The following RHCE variants were observed in gnomAD, a reference collection of about 807,000 sequenced individuals.
The protein encoded by RHCE is Rh blood group CcEe antigens.
RHCE carries 22 observed loss-of-function variants against 43.8 expected under a neutral mutation model. The observed-to-expected ratio is 0.50, with a 90% CI of 0.36 to 0.72. RHCE has a LOEUF of 0.72. Ranked by LOEUF, RHCE falls within the 30% of genes least tolerant of loss-of-function variation. RHCE has a pLI of 0.00. For synonymous variants in RHCE, 156 were observed against 210.7 expected (o/e 0.74, Z 2.25); for missense variants, 385 against 525.4 (o/e 0.73, Z 2.61).
chr1:25,430,173 G>A (rs921356134), exon 1 of RHCE: 2 of 151,874 alleles, frequency 1.3e-5, no homozygotes, highest in Non-Finnish European at 2.9e-5. Context: ...GGGCCGCACC[G>A]CCGCACACGC....
Position 25,411,585 on chromosome 1 carries a change from T to G in RHCE, c.149-2716A>C, listed in dbSNP as rs775534405. On this transcript the variant is annotated intron_variant, in intron 1 of 9. Coordinates refer to ENST00000294413, the MANE Select transcript of RHCE (RefSeq NM_020485.8). ...CCACGGGACCTGGGGATTTGGGGCGTGGGTGAGAAGTGGGCATTAGGAAGG... is the reference window on the plus strand; with the variant it reads ...CCACGGGACCTGGGGATTTGGGGCGGGGGTGAGAAGTGGGCATTAGGAAGG... The G allele has an allele frequency of 7.0e-4, 621 of 886,010 alleles. 7 individuals carry two copies. The highest frequency in any genetic ancestry group is 5.7e-4 in the Admixed American group (18 of 31,668). The allele number at this position is 886,010 out of a possible 1,614,324, so 54.9% of individuals were successfully genotyped here. A position where few individuals can be genotyped will look rare whatever the true frequency, so the allele number is the denominator to read the frequency against.
intron 7 of RHCE, among the ~76,000 whole-genome samples, chr1:25,379,870 G>T (rs1463566858): frequency 2.0e-5 from 3 of 151,964 alleles, no homozygotes; most frequent in Non-Finnish European, 4.4e-5. Context: ...GTAGAGACAG[G>T]TCTCACTATG....
In RHCE at chr1:25,410,037, C is replaced by T. The variant is rs564395168; in HGVS notation, c.149-1168G>A. Among the ~76,000 whole-genome samples, 12 of 152,104 alleles carry T rather than the reference C, an allele frequency of 7.9e-5. No homozygotes were observed. The South Asian group carries it at 1.5e-3, about 18-fold the overall frequency. ...TCAGCCTCCCAAGTAGCTGGGATTACAGGTGCCCACCACCGTGCCCGGCTA... is the reference window on the plus strand; with the variant it reads ...TCAGCCTCCCAAGTAGCTGGGATTATAGGTGCCCACCACCGTGCCCGGCTA... On this transcript the variant is annotated intron_variant, in intron 1 of 9. Coordinates refer to ENST00000294413, the MANE Select transcript of RHCE (RefSeq NM_020485.8).
chr1:25,379,481 ATATATATATATATATTTTTTTTTTTTTT>A (rs1318192625), intron 7 of RHCE, among the ~76,000 whole-genome samples: 3 of 17,932 alleles, frequency 1.7e-4, no homozygotes, highest in East Asian at 1.4e-3. Context: ...ATATATATAT[ATATATATATATATATTTTTTTTTTTTTT>A]TTTTTTTTTT....
intron 7 of RHCE, among the ~76,000 whole-genome samples, chr1:25,383,960 ACT>A (rs1454865389): frequency 6.6e-6 from 1 of 152,198 alleles, no homozygotes; most frequent in Non-Finnish European, 1.5e-5. Context: ...CCAGCAAACC[ACT>A]GATTGGCTTT....
intron 7 of RHCE, among the ~76,000 whole-genome samples, chr1:25,384,577 G>A (rs28584668): frequency 0.011 from 1,714 of 152,210 alleles, 30 homozygotes; most frequent in African/African-American, 0.039. Flanking sequence ...GAGGCACCTT[G>A]CTTCACACAG....
chr1:25,391,108 A>G (rs1646347112), intron 4 of RHCE, among the ~76,000 whole-genome samples, 193 bp from the exon 5 acceptor site: 3 of 152,170 alleles, frequency 2.0e-5, no homozygotes. Context: ...ACAAGGAAAC[A>G]AAGGCCAAGA....
intron 7 of RHCE, among the ~76,000 whole-genome samples, chr1:25,378,638 A>G (rs1380156612): frequency 1.3e-5 from 2 of 152,100 alleles, no homozygotes; most frequent in East Asian, 1.9e-4. Flanking sequence ...ATTCCAACAT[A>G]TGTGTTTTCA....
intron 8 of RHCE, among the ~76,000 whole-genome samples, chr1:25,372,460 G>A (rs1371768027): frequency 2.0e-5 from 3 of 151,204 alleles, no homozygotes; most frequent in Admixed American, 6.6e-5. Context: ...CGGAGGTTGC[G>A]TTGAGCCGAG....
chr1:25,390,642 G>A (rs1430212520), intron 5 of RHCE, 107 bp downstream of exon 5: 9 of 1,310,062 alleles, frequency 6.9e-6, no homozygotes, highest in African/African-American at 1.4e-5. Context: ...TCCACCACCC[G>A]GCATGCCCTC....
chr1:25,369,944 G>T (rs1645556747), intron 9 of RHCE, among the ~76,000 whole-genome samples: 1 of 151,206 alleles, frequency 6.6e-6, no homozygotes, highest in African/African-American at 2.5e-5. Context: ...TTGACACGTT[G>T]GCCAGGCTGG....
At position 25,427,963 on chromosome 1, in the gene RHCE, C is replaced by T. The variant is rs2042817667; in HGVS notation, c.-40+990G>A. On this transcript the variant is annotated intron_variant, in intron 2 of 11. Coordinates refer to the RHCE transcript ENST00000349320. ...TGGGATTGGAACTTAGACCTCCAGA[C>T]CTTCAGATTGTTTGTCAGCCATCAC... is the stretch of plus-strand genomic sequence containing the variant. Among the ~76,000 whole-genome samples, 3 of 152,192 alleles carry T rather than the reference C, an allele frequency of 2.0e-5. No homozygotes were observed. The South Asian group carries it at 6.2e-4, about 32-fold the overall frequency.
chr1:25,385,838 A>G lies in RHCE; in HGVS notation c.946T>C (p.Cys316Arg), dbSNP rs1232547491. The change falls in exon 7 of 10, where the codon TGT (cysteine) becomes CGT (arginine). Residue 316 changes from cysteine (C) to arginine (R), a missense_variant. Around this residue, in one of 6 missense-constraint regions of RHCE, gnomAD observed 82 missense variants for 69.2 expected, o/e 1.18. Transcript: ENST00000294413. ...TGGTGAATCCCCAGCACTCGGTTAC[A>G]ACACACCTGTGGACAAGTGTTATTA... The part of the protein sequence containing the change: ...IGGAKCLPVC[C>R]NRVLGIHHIS... 6.2e-7 allele frequency: 1 copy of G among 1,614,118 alleles called. No individual in the cohort carries two copies. The highest frequency in any genetic ancestry group is 1.6e-4 in the Middle Eastern group (1 of 6,062).
intron 7 of RHCE, among the ~76,000 whole-genome samples, chr1:25,378,329 T>G (rs748517891): frequency 6.6e-6 from 1 of 152,212 alleles, no homozygotes; most frequent in Non-Finnish European, 1.5e-5. Flanking sequence ...TCAACAGAAG[T>G]GCATTCGTGT....
chr1:25,373,514 T>A lies in RHCE; in HGVS notation c.1153+1835A>T, dbSNP rs374885350. ...CTCTGCCAAAAGCTAAGGCCAGACA[T>A]TGGTATATTAAAGCAATTCTAGCCA... On this transcript the variant is annotated intron_variant, in intron 8 of 9. Transcript: ENST00000294413. Among the ~76,000 whole-genome samples the A allele has an allele frequency of 1.7e-3, 265 of 151,878 alleles. 16 individuals carry two copies. In the South Asian group the frequency reaches 0.053, roughly 30 times the overall value.
At chr1:25,385,690 G>A (rs1157821608) in intron 7 of RHCE, 21 bp downstream of exon 7, 6 of 1,613,824 alleles carry the variant, frequency 3.7e-6, no homozygotes, top group Middle Eastern at 1.6e-4. Context: ...AAGGGGATGG[G>A]GGGTAAGCCC....
rs576814807 is a variant in RHCE, at chr1:25,375,699, C to T, written c.1074-271G>A. Among the ~76,000 whole-genome samples the T allele has an allele frequency of 2.7e-5, 4 of 147,612 alleles. No homozygotes were observed. The South Asian group carries it at 8.4e-4, about 31-fold the overall frequency. On this transcript the variant is annotated intron_variant, in intron 7 of 9. Coordinates refer to ENST00000294413, the MANE Select transcript of RHCE (RefSeq NM_020485.8). ...ATGAACCAGACCAGGAGTCAGAAAA[C>T]CCAAGCTCAAGTCCCAGCTCTGTCA...
chr1:25,378,120 A>C lies in RHCE; in HGVS notation c.1074-2692T>G, dbSNP rs549682128. 9.9e-4 allele frequency among the ~76,000 whole-genome samples: 151 copies of C among 152,324 alleles called. No individual in the cohort carries two copies. In the East Asian group the frequency reaches 0.01, roughly 10 times the overall value. ...GTTATTGGAGATATCAAAATGTAAA[A>C]AATAGGTTTCACTGCTAAATGACTA... On this transcript the variant is annotated intron_variant, in intron 7 of 9. Coordinates refer to ENST00000294413, the MANE Select transcript of RHCE (RefSeq NM_020485.8).
At chr1:25,411,531 AC>A (rs1647078062) in intron 1 of RHCE, 3 of 1,466,556 alleles carry the variant, frequency 2.0e-6, no homozygotes, top group Non-Finnish European at 1.8e-6. Flanking sequence ...ACCTGACACC[AC>A]CAGGATATAG....
Sources: allele counts gnomAD v4.1 joint callset (sites outside exome capture counted in the v4.1 genomes callset), GRCh38; gene constraint gnomAD v4.1.1; regional missense constraint gnomAD v4.1.1; transcripts MANE v1.5; gene names NCBI Gene and HGNC (gene_info 2026-07-23, HGNC 2026-07-21).